Variants in CDH9 observed in about 807,000 individuals in gnomAD.
CDH9 encodes cadherin-9.
CDH9 carries 28 observed loss-of-function variants against 70.9 expected under a neutral mutation model. That is an observed-to-expected ratio of 0.40 (90% confidence interval 0.29 to 0.54). CDH9 has a LOEUF of 0.54. CDH9 is among the 20% of genes least tolerant of loss of function. The probability of loss-of-function intolerance (pLI) is 0.59; values close to 1 mark genes in which losing one functional copy is unlikely to be tolerated. For missense variants in CDH9, 874 were observed against 984.4 expected, an observed-to-expected ratio of 0.89 and a Z score of 1.50; for synonymous variants, 409 against 343.1, an observed-to-expected ratio of 1.19 and a Z score of -2.12.
At chr5:27,010,542 C>G (rs1392225388) in intron 1 of CDH9, among the ~76,000 whole-genome samples, 1 of 152,108 alleles carries the variant, frequency 6.6e-6, no homozygotes, top group African/African-American at 2.4e-5. Context: ...GCCATAGTGA[C>G]AAGCACACCC....
intron 2 of CDH9, among the ~76,000 whole-genome samples, chr5:26,962,013 C>T (rs527242997): frequency 3.2e-4 from 48 of 152,126 alleles, no homozygotes; most frequent in Admixed American, 9.8e-4. Flanking sequence ...TGTGTGATGT[C>T]GCCCTCCCTG....
intron 1 of CDH9, among the ~76,000 whole-genome samples, chr5:26,997,426 G>T (rs974688714): frequency 6.6e-6 from 1 of 152,138 alleles, no homozygotes; most frequent in Admixed American, 6.6e-5. Flanking sequence ...CCATCTTGGA[G>T]ATGGCCAAGA....
chr5:27,026,201 A>G (rs539267881), intron 1 of CDH9, among the ~76,000 whole-genome samples: 4 of 152,056 alleles, frequency 2.6e-5, no homozygotes, highest in Non-Finnish European at 5.9e-5. Context: ...TAAAACACTG[A>G]AACAAGAAAT....
At chr5:26,937,321 A>G (rs886086330) in intron 2 of CDH9, among the ~76,000 whole-genome samples, 1 of 152,188 alleles carries the variant, frequency 6.6e-6, no homozygotes, top group Non-Finnish European at 1.5e-5. Context: ...ATGAGACAGC[A>G]CTACACTCCT....
intron 2 of CDH9, among the ~76,000 whole-genome samples, chr5:26,934,970 A>G (rs1287700808): frequency 2.6e-5 from 4 of 152,024 alleles, no homozygotes; most frequent in East Asian, 1.9e-4. Context: ...TCTCATGAAC[A>G]TGGATGTAAA....
chr5:26,889,686 C>A, intron 9 of CDH9, 150 bp downstream of exon 9: 1 of 502,888 alleles, frequency 2.0e-6, no homozygotes, highest in Non-Finnish European at 3.5e-6. Context: ...TTTAAAAAAT[C>A]ACTGTGAGTT....
intron 2 of CDH9, among the ~76,000 whole-genome samples, chr5:26,961,958 T>G (rs1176641324): frequency 6.6e-6 from 1 of 152,158 alleles, no homozygotes; most frequent in Admixed American, 6.6e-5. Flanking sequence ...GTATTTCTCC[T>G]AATGCTATCC....
At chr5:27,021,477 A>T (rs1192731904) in intron 1 of CDH9, among the ~76,000 whole-genome samples, 3 of 151,594 alleles carry the variant, frequency 2.0e-5, no homozygotes, top group Non-Finnish European at 3.0e-5. Context: ...GCCTCATATA[A>T]CTTCCATCAC....
chr5:26,929,967 C>T (rs907492563), intron 2 of CDH9, among the ~76,000 whole-genome samples: 1 of 151,648 alleles, frequency 6.6e-6, no homozygotes, highest in Non-Finnish European at 1.5e-5. Context: ...ATTCATTGCA[C>T]TTTTAAAAAT....
At chr5:26,925,099 C>T (rs1201011843) in intron 2 of CDH9, among the ~76,000 whole-genome samples, 1 of 152,020 alleles carries the variant, frequency 6.6e-6, no homozygotes, top group Non-Finnish European at 1.5e-5. Context: ...ATGGTATTTC[C>T]AGTTCTAGAT....
At chr5:27,029,305 A>C (rs1370378292) in intron 1 of CDH9, among the ~76,000 whole-genome samples, 1 of 152,060 alleles carries the variant, frequency 6.6e-6, no homozygotes, top group Non-Finnish European at 1.5e-5. Context: ...GTAGGATATG[A>C]TCTATAAAAT....
intron 1 of CDH9, among the ~76,000 whole-genome samples, chr5:27,024,767 C>T (rs1743194150): frequency 6.6e-6 from 1 of 151,920 alleles, no homozygotes; most frequent in African/African-American, 2.4e-5. Context: ...TATGTTCTGA[C>T]TAAGAGCCTG....
chr5:26,970,531 G>T (rs950025844), intron 2 of CDH9, among the ~76,000 whole-genome samples: 1 of 151,940 alleles, frequency 6.6e-6, no homozygotes, highest in Non-Finnish European at 1.5e-5. Flanking sequence ...ATATATTGTT[G>T]CTTCATGATC....
chr5:26,931,736 G>A lies in CDH9; in HGVS notation c.229-15812C>T, dbSNP rs369339752. 3.4e-4 allele frequency among the ~76,000 whole-genome samples: 51 copies of A among 152,118 alleles called. 1 individual carries two copies. The highest frequency in any genetic ancestry group is 9.9e-4 in the African/African-American group (41 of 41,504). On this transcript the variant is annotated intron_variant, in intron 2 of 11. Coordinates refer to ENST00000231021, the MANE Select transcript of CDH9 (RefSeq NM_016279.4). ...TGCGTGCTATGAAATATATGTATAC[G>A]AAGTGTGTGTGTGTGTCTGTATGTG...
chr5:26,910,110 C>A (rs1430407094), intron 3 of CDH9, among the ~76,000 whole-genome samples: 1 of 151,928 alleles, frequency 6.6e-6, no homozygotes, highest in Non-Finnish European at 1.5e-5. Flanking sequence ...AAAAACATCC[C>A]TCTATATATT....
intron 1 of CDH9, among the ~76,000 whole-genome samples, chr5:27,000,958 A>G (rs928948364): frequency 6.6e-6 from 1 of 152,160 alleles, no homozygotes; most frequent in Non-Finnish European, 1.5e-5. Flanking sequence ...TGGTTTGAAA[A>G]GACAAGAAGG....
chr5:26,944,368 CTTGGT>C, intron 2 of CDH9, among the ~76,000 whole-genome samples: 1 of 151,962 alleles, frequency 6.6e-6, no homozygotes, highest in African/African-American at 2.4e-5. Flanking sequence ...AAAAGGATAA[CTTGGT>C]TGGGCAGAAT....
intron 2 of CDH9, among the ~76,000 whole-genome samples, chr5:26,946,981 G>T (rs920757329): frequency 6.6e-6 from 1 of 152,178 alleles, no homozygotes; most frequent in South Asian, 2.1e-4. Flanking sequence ...TGAATGCAAA[G>T]TGTGCTAAAG....
At chr5:26,906,602 A>G in intron 4 of CDH9, 117 bp downstream of exon 4, 1 of 1,388,260 alleles carries the variant, frequency 7.2e-7, no homozygotes, top group Non-Finnish European at 9.5e-7. Flanking sequence ...GACAGGAAAC[A>G]AATAGAAACA....
Sources: allele counts gnomAD v4.1 joint callset (sites outside exome capture counted in the v4.1 genomes callset), GRCh38; gene constraint gnomAD v4.1.1; transcripts MANE v1.5; gene names NCBI Gene and HGNC (gene_info 2026-07-23, HGNC 2026-07-21).